The following GNAS-AS1 variants were observed in gnomAD, a reference collection of about 807,000 sequenced individuals.
The protein encoded by GNAS-AS1 is GNAS antisense RNA 1 (non-protein coding).
chr20:58,839,614 T>C (rs536243251), intron 4 of GNAS-AS1: 2 of 414,502 alleles, frequency 4.8e-6, no homozygotes, highest in African/African-American at 4.1e-5. Flanking sequence ...GCCGGCCCAC[T>C]AGGGTCTGCG....
At chr20:58,830,536 C>CACCACACCACA (rs1388545375) in intron 4 of GNAS-AS1, among the ~76,000 whole-genome samples, 1 of 59,748 alleles carries the variant, frequency 1.7e-5, no homozygotes. Context: ...ACCATCATAC[C>CACCACACCACA]ATCAGCACCA....
rs2085709512 is a variant in GNAS-AS1 at position 58,841,230 on chromosome 20, C to G, written n.819+707G>C. ...ACACCCAAACGGCATTGGTAAGTCA[C>G]TTGTTTTGCGCGCTTTTCTTCCTCC... On this transcript the variant is annotated intron_variant and non_coding_transcript_variant, in intron 4 of 4. Transcript: ENST00000424094. The surrounding 1 kb of genome is among the most constrained non-coding windows in gnomAD (Gnocchi z 5.0). 3.6e-6 allele frequency: 3 copies of G among 821,994 alleles called. No individual in the cohort carries two copies. The African/African-American group carries it at 5.4e-5, about 15-fold the overall frequency. The allele number at this position is 821,994 out of a possible 1,614,324, so 50.9% of individuals were successfully genotyped here.
At chr20:58,837,266 G>T (rs1243889622) in intron 4 of GNAS-AS1, among the ~76,000 whole-genome samples, 1 of 152,142 alleles carries the variant, frequency 6.6e-6, no homozygotes, top group Admixed American at 6.5e-5. Context: ...TAAAGTGGGT[G>T]GGTCAGTGTA....
At chr20:58,838,012 AGT>A (rs2085618815) in intron 4 of GNAS-AS1, among the ~76,000 whole-genome samples, 1 of 152,226 alleles carries the variant, frequency 6.6e-6, no homozygotes, top group African/African-American at 2.4e-5. Context: ...TGGGCCACCC[AGT>A]GGTAGAGCCT....
chr20:58,825,766 C>T (rs113692570), intron 4 of GNAS-AS1, among the ~76,000 whole-genome samples: 86 of 152,338 alleles, frequency 5.6e-4, no homozygotes, highest in African/African-American at 1.9e-3. Flanking sequence ...AAAGGCCACT[C>T]ATAACCCCCA....
chr20:58,819,555 T>C (rs2085471343), intron 4 of GNAS-AS1, among the ~76,000 whole-genome samples: 1 of 152,078 alleles, frequency 6.6e-6, no homozygotes, highest in African/African-American at 2.4e-5. Context: ...GGAGTCCCAA[T>C]CTCCAAGGCC....
At chr20:58,835,285 G>C (rs76680157) in intron 4 of GNAS-AS1, among the ~76,000 whole-genome samples, 2 of 151,992 alleles carry the variant, frequency 1.3e-5, no homozygotes, top group African/African-American at 4.8e-5. Flanking sequence ...GATTATACCC[G>C]CTCACCAGGC....
chr20:58,832,460 C>G (rs985058972), intron 4 of GNAS-AS1, among the ~76,000 whole-genome samples: 2 of 152,136 alleles, frequency 1.3e-5, no homozygotes, highest in African/African-American at 4.8e-5. Context: ...AAAAATGGTT[C>G]TTAAATTCAT....
chr20:58,847,733 G>C (rs2085990261), intron 2 of GNAS-AS1, among the ~76,000 whole-genome samples: 1 of 152,152 alleles, frequency 6.6e-6, no homozygotes, highest in Admixed American at 6.5e-5. Context: ...CGTGGTTTCT[G>C]TTCCCTTCCC....
chr20:58,838,761 A>G, intron 4 of GNAS-AS1: 1 of 365,552 alleles, frequency 2.7e-6, no homozygotes, highest in Non-Finnish European at 4.8e-6. Context: ...TACTAAAACT[A>G]CAAAAATTAG....
In GNAS-AS1 at chr20:58,821,227, C is replaced by T. The variant is rs746632373; in HGVS notation, n.820-1972G>A. On this transcript the variant is annotated intron_variant and non_coding_transcript_variant, in intron 4 of 4. Transcript: ENST00000424094. ...ACTGGTTTCCTGCTTCCCTACAGCT[C>T]ATGGCCAGCTCTTTCCCACCTCAGG... 4.6e-5 allele frequency among the ~76,000 whole-genome samples: 7 copies of T among 152,210 alleles called. No homozygotes were observed. In the South Asian group the frequency reaches 1.0e-3, roughly 23 times the overall value.
intron 4 of GNAS-AS1, among the ~76,000 whole-genome samples, chr20:58,819,957 G>A (rs1472583883): frequency 1.3e-5 from 2 of 152,216 alleles, no homozygotes; most frequent in Non-Finnish European, 1.5e-5. Context: ...CCCGCCCCAG[G>A]TGACCCTCCC....
Position 58,840,209 on chromosome 20 carries a change from C to T in GNAS-AS1, n.819+1728G>A. ...CCGGGCAGCCACCGCGCTCCTCTGG[C>T]TCTCCTGCTCCATCGCGCTCCTCCG... On this transcript the variant is annotated intron_variant and non_coding_transcript_variant, in intron 4 of 4. Coordinates refer to ENST00000424094, the Ensembl canonical transcript of GNAS-AS1. This position sits in a 1 kb window ranked among gnomAD's most constrained non-coding sequence, Gnocchi z 6.0. The T allele has an allele frequency of 6.2e-7, 1 of 1,611,230 alleles. No homozygotes were observed. Among genetic ancestry groups the T allele is most frequent in the Non-Finnish European group, 8.5e-7 (1 of 1,179,890 alleles).
intron 4 of GNAS-AS1, chr20:58,839,493 G>T (rs2085645890): frequency 5.0e-6 from 2 of 402,174 alleles, no homozygotes; most frequent in South Asian, 2.5e-4. Context: ...GCGCCCACCT[G>T]CCCAAGTACT....
rs2145454709 is a variant in GNAS-AS1, at chr20:58,828,884, GGCCCCACC to G, written n.820-9637_820-9630del. On this transcript the variant is annotated intron_variant and non_coding_transcript_variant, in intron 4 of 4. Coordinates refer to ENST00000424094, the Ensembl canonical transcript of GNAS-AS1. The stretch of plus-strand genomic sequence containing the variant: ...CCCCACTCAACATGGCAGAGCTCCT[GGCCCCACC>G]GCCCCACTCAACATGGCAGAGCTCC... Among the ~76,000 whole-genome samples the G allele has an allele frequency of 4.9e-5, 6 of 122,126 alleles. No homozygotes were observed. The South Asian group carries it at 1.6e-3, about 33-fold the overall frequency. The allele number at this position is 122,126 out of a possible 152,430, so 80.1% of individuals were successfully genotyped here. A position where few individuals can be genotyped will look rare whatever the true frequency, so the allele number is the denominator to read the frequency against.
chr20:58,819,194 C>A (rs1469216221), exon 5 of GNAS-AS1: 2 of 398,488 alleles, frequency 5.0e-6, no homozygotes, highest in African/African-American at 4.1e-5. Context: ...ACTAATGAGG[C>A]GGAGCTCTGG....
At chr20:58,850,273 G>A (rs1230495888) in intron 1 of GNAS-AS1, among the ~76,000 whole-genome samples, 1 of 152,194 alleles carries the variant, frequency 6.6e-6, no homozygotes, top group East Asian at 1.9e-4. Flanking sequence ...TCTCCAGGAT[G>A]AGGAACTGGT....
rs1313428466 is a variant in GNAS-AS1, at chr20:58,841,845, G to A, written n.819+92C>T. On this transcript the variant is annotated intron_variant and non_coding_transcript_variant, in intron 4 of 4. Coordinates refer to ENST00000424094, the Ensembl canonical transcript of GNAS-AS1. The surrounding 1 kb of genome is among the most constrained non-coding windows in gnomAD (Gnocchi z 5.0). ...CCTGGGCTGTTTGCGCAGGACCTCT[G>A]GAGGCCCTCGAGATCGTCGCAAGTG... 9 of 1,230,910 alleles carry A rather than the reference G, an allele frequency of 7.3e-6. No homozygotes were observed. The African/African-American group carries it at 1.2e-4, about 17-fold the overall frequency. The allele number at this position is 1,230,910 out of a possible 1,614,324, so 76.2% of individuals were successfully genotyped here. A position where few individuals can be genotyped will look rare whatever the true frequency, so the allele number is the denominator to read the frequency against.
In GNAS-AS1 at chr20:58,841,969, G is replaced by A. The variant is rs1199420637; in HGVS notation, n.787C>T. ...TTCCAAAGAGCGCGGTACGCGCAGAGCTGGGGAAAGGTGTTGGATCCGGCG... is the reference window on the plus strand; with the variant it reads ...TTCCAAAGAGCGCGGTACGCGCAGAACTGGGGAAAGGTGTTGGATCCGGCG... On this transcript the variant is annotated non_coding_transcript_exon_variant, in exon 4 of 5. Coordinates refer to ENST00000424094, the Ensembl canonical transcript of GNAS-AS1. The surrounding 1 kb of genome is among the most constrained non-coding windows in gnomAD (Gnocchi z 5.0). The A allele has an allele frequency of 1.3e-5, 14 of 1,086,774 alleles. No homozygotes were observed. The highest frequency in any genetic ancestry group is 8.5e-5 in the Admixed American group (2 of 23,536). 67.3% of individuals were successfully genotyped at this position (1,086,774 alleles called of 1,614,324 possible).
Sources: gnomAD v4.1 joint callset for allele counts (sites outside exome capture counted in the v4.1 genomes callset) on GRCh38, gnomAD v4.1.1 for gene constraint, Gnocchi (gnomAD v3.1) non-coding constraint, MANE v1.5 for transcripts, NCBI Gene and HGNC (gene_info 2026-07-23, HGNC 2026-07-21) for gene names.